The following SLC12A8 variants were observed in gnomAD, a reference collection of about 807,000 sequenced individuals.
SLC12A8 encodes the protein solute carrier family 12 member 8.
In SLC12A8, 69 loss-of-function variants were observed where a neutral mutation model predicts 75.6. The ratio of observed to expected loss-of-function variants is 0.91; its 90% CI spans 0.75 to 1.11. The LOEUF is 1.11. SLC12A8 is among the 50% of genes most tolerant of loss of function. The pLI is 0.00. For synonymous variants in SLC12A8, 365 were observed against 372.8 expected (o/e 0.98, Z 0.24); for missense variants, 877 against 896.7 (o/e 0.98, Z 0.28).
intron 5 of SLC12A8, among the ~76,000 whole-genome samples, chr3:125,144,402 A>G (rs1933722482): frequency 6.6e-6 from 1 of 152,182 alleles, no homozygotes. Flanking sequence ...GATGAGTGCC[A>G]GGAGCTCCAG....
chr3:125,097,489 G>A (rs1316950901), intron 10 of SLC12A8, among the ~76,000 whole-genome samples: 4 of 150,654 alleles, frequency 2.7e-5, no homozygotes, highest in Non-Finnish European at 5.9e-5. Flanking sequence ...TACAACACTT[G>A]ATCTTACACA....
At position 125,107,975 on chromosome 3, in the gene SLC12A8, G is replaced by C; in HGVS notation, c.1211C>G (p.Ser404Cys). Residue 404 changes from serine to cysteine, a missense_variant, in exon 10 of 14, where the codon TCC becomes TGC. Coordinates refer to ENST00000469902, the MANE Select transcript of SLC12A8 (RefSeq NM_024628.6). ...CAGGCTGCAGGAACACATGGACAGGGAGAAGTAAGAGTAGTCCACTGCAAC... is the reference window on the plus strand; with the variant it reads ...CAGGCTGCAGGAACACATGGACAGGCAGAAGTAAGAGTAGTCCACTGCAAC... Reference protein sequence around the residue: ...TYVAVDYSYFSLSMCSCSLTP... With the variant: ...TYVAVDYSYFCLSMCSCSLTP... The C allele has an allele frequency of 2.5e-6, 4 of 1,614,210 alleles. No homozygotes were observed. Among genetic ancestry groups the C allele is most frequent in the Non-Finnish European group, 3.4e-6 (4 of 1,180,032 alleles).
At chr3:125,113,621 G>A (rs1176553708) in intron 8 of SLC12A8, among the ~76,000 whole-genome samples, 1 of 152,180 alleles carries the variant, frequency 6.6e-6, no homozygotes, top group African/African-American at 2.4e-5. Context: ...TTTGCTAAAT[G>A]TGCCAGTGGA....
intron 5 of SLC12A8, among the ~76,000 whole-genome samples, chr3:125,159,981 A>G (rs1934133035): frequency 6.6e-6 from 1 of 152,204 alleles, no homozygotes; most frequent in African/African-American, 2.4e-5. Context: ...TTTTAGGGTC[A>G]GGGTTCTCGC....
At chr3:125,169,591 T>C (rs1934365393) in intron 5 of SLC12A8, among the ~76,000 whole-genome samples, 1 of 152,132 alleles carries the variant, frequency 6.6e-6, no homozygotes, top group African/African-American at 2.4e-5. Flanking sequence ...ACTCTGCACC[T>C]GAGTATGAGG....
intron 6 of SLC12A8, chr3:125,120,961 CA>C (rs1263175702): frequency 7.4e-6 from 5 of 671,180 alleles, no homozygotes; most frequent in Non-Finnish European, 1.1e-5. Flanking sequence ...GCAAAGCAAC[CA>C]GGGGGGAGGA....
At position 125,135,650 on chromosome 3, in the gene SLC12A8, A is replaced by T; in HGVS notation, c.736+19T>A. The T allele has an allele frequency of 6.5e-7, 1 of 1,528,626 alleles. No individual in the cohort carries two copies. Among genetic ancestry groups the T allele is most frequent in the Non-Finnish European group, 8.9e-7 (1 of 1,125,840 alleles). The allele number at this position is 1,528,626 out of a possible 1,614,324, so 94.7% of individuals were successfully genotyped here. ...TATACCCCTAATTTGAGAGTAAAAAAGAACCCAGATTACAATACCTGTAGC... is the reference window on the plus strand; with the variant it reads ...TATACCCCTAATTTGAGAGTAAAAATGAACCCAGATTACAATACCTGTAGC... On this transcript the variant is annotated intron_variant, in intron 6 of 13. Coordinates refer to ENST00000469902, the MANE Select transcript of SLC12A8 (RefSeq NM_024628.6).
At chr3:125,175,151 A>G (rs1423542796) in intron 5 of SLC12A8, among the ~76,000 whole-genome samples, 1 of 152,234 alleles carries the variant, frequency 6.6e-6, no homozygotes, top group African/African-American at 2.4e-5. Context: ...AACACTGGTC[A>G]TTTGAAGGAA....
intron 6 of SLC12A8, among the ~76,000 whole-genome samples, chr3:125,121,350 T>C (rs1346415359): frequency 4.6e-5 from 7 of 152,264 alleles, no homozygotes; most frequent in Non-Finnish European, 8.8e-5. Context: ...CAAACAAATA[T>C]ATGAAAGCAA....
rs563853309 is a variant in SLC12A8 at position 125,172,782 on chromosome 3, A to G, written c.622+4961T>C. Among the ~76,000 whole-genome samples, 55 of 152,332 alleles carry G rather than the reference A, an allele frequency of 3.6e-4. No homozygotes were observed. In the South Asian group the frequency reaches 0.011, roughly 32 times the overall value. ...TACTTTTTACATTTTTACATTATACATTTCAGGATTGTTTGGAATTGTTTC... is the reference window on the plus strand; with the variant it reads ...TACTTTTTACATTTTTACATTATACGTTTCAGGATTGTTTGGAATTGTTTC... On this transcript the variant is annotated intron_variant, in intron 5 of 13. Transcript: ENST00000469902.
rs923607171 is a variant in SLC12A8 at position 125,204,825 on chromosome 3, A to G, written c.51+6474T>C. Among the ~76,000 whole-genome samples the G allele has an allele frequency of 3.3e-5, 5 of 152,188 alleles. No individual in the cohort carries two copies. In the South Asian group the frequency reaches 1.0e-3, roughly 32 times the overall value. On this transcript the variant is annotated intron_variant, in intron 2 of 13. Transcript: ENST00000469902. ...TTACACATTGTATATATGTACCAAAATATCATATGTACCCCCATAAATACG... is the reference window on the plus strand; with the variant it reads ...TTACACATTGTATATATGTACCAAAGTATCATATGTACCCCCATAAATACG...
rs924707648 is a variant in SLC12A8 at position 125,187,334 on chromosome 3, C to A, written c.293G>T (p.Arg98Leu). 1.9e-6 allele frequency: 3 copies of A among 1,614,206 alleles called. No homozygotes were observed. Among genetic ancestry groups the A allele is most frequent in the Non-Finnish European group, 1.7e-6 (2 of 1,180,034 alleles). The change falls in exon 4 of 14, where the codon CGC (arginine) becomes CTC (leucine). Residue 98 changes from arginine (R) to leucine (L), a missense_variant. Transcript: ENST00000469902. ...GACGCCACCGCTGCCGATGCTGCTG[C>A]GCTCCCCGACGCCAATGCCAGACAG... ...TVLSGIGVGERSSIGSGGVYS... is the reference protein window; with the variant it reads ...TVLSGIGVGELSSIGSGGVYS...
At position 125,175,756 on chromosome 3, in the gene SLC12A8, G is replaced by GAA. The variant is rs11446379; in HGVS notation, c.622+1985_622+1986dup. Among the ~76,000 whole-genome samples, 657 of 143,528 alleles carry GAA rather than the reference G, an allele frequency of 4.6e-3. 3 individuals are homozygous for GAA. Among genetic ancestry groups the GAA allele is most frequent in the African/African-American group, 0.01 (410 of 39,070 alleles). The allele number at this position is 143,528 out of a possible 152,430, so 94.2% of individuals were successfully genotyped here. ...TCTCTGCAGGGTGGTACATGGCCAG[G>GAA]AAAAAAAAAAAAAAATCACTGTTTC... On this transcript the variant is annotated intron_variant, in intron 5 of 13. Coordinates refer to ENST00000469902, the MANE Select transcript of SLC12A8 (RefSeq NM_024628.6).
intron 5 of SLC12A8, among the ~76,000 whole-genome samples, chr3:125,140,965 G>A (rs1005396672): frequency 6.6e-6 from 1 of 152,092 alleles, no homozygotes; most frequent in East Asian, 1.9e-4. Flanking sequence ...TTCCTCTGCT[G>A]GTGAAACTGA....
intron 4 of SLC12A8, among the ~76,000 whole-genome samples, chr3:125,184,786 A>C (rs1435526705): frequency 2.0e-5 from 3 of 151,798 alleles, no homozygotes; most frequent in Non-Finnish European, 2.9e-5. Context: ...GGAATCAATA[A>C]AGGTCAGAGC....
At chr3:125,210,983 T>C (rs574937894) in intron 2 of SLC12A8, among the ~76,000 whole-genome samples, 3 of 149,360 alleles carry the variant, frequency 2.0e-5, no homozygotes, top group Non-Finnish European at 4.4e-5. Context: ...GATTCAGAAT[T>C]AAAATGAGTT....
intron 5 of SLC12A8, among the ~76,000 whole-genome samples, chr3:125,152,439 T>C (rs1183152450): frequency 1.3e-5 from 2 of 152,266 alleles, no homozygotes; most frequent in African/African-American, 4.8e-5. Flanking sequence ...TTTTCATTTT[T>C]AGCAATCAGG....
At chr3:125,129,560 G>T (rs767230449) in intron 6 of SLC12A8, among the ~76,000 whole-genome samples, 4 of 152,154 alleles carry the variant, frequency 2.6e-5, no homozygotes, top group Non-Finnish European at 4.4e-5. Flanking sequence ...CCTGCCCTTG[G>T]GATAAAATAT....
At chr3:125,192,497 GC>G (rs1347291312) in intron 2 of SLC12A8, 5 of 153,126 alleles carry the variant, frequency 3.3e-5, no homozygotes, top group African/African-American at 1.2e-4. Context: ...ACCCATGAAT[GC>G]CTTTGTGATG....
Sources: gnomAD v4.1 joint callset for allele counts (sites outside exome capture counted in the v4.1 genomes callset) on GRCh38, gnomAD v4.1.1 for gene constraint, MANE v1.5 for transcripts, NCBI Gene and HGNC (gene_info 2026-07-23, HGNC 2026-07-21) for gene names.